Variants in GPC5 observed in about 807,000 individuals in gnomAD.
GPC5 encodes the protein glypican-5.
A neutral mutation model predicts 53.9 loss-of-function variants in GPC5; 47 were observed. The ratio of observed to expected loss-of-function variants is 0.87; its 90% CI spans 0.69 to 1.11. GPC5 has a LOEUF of 1.11. GPC5 is among the 50% of genes most tolerant of loss of function. The pLI is 0.00. For synonymous variants in GPC5, 286 were observed against 263.3 expected (o/e 1.09, Z -0.84); for missense variants, 748 against 713.1 (o/e 1.05, Z -0.56).
rs1566515542 is a variant in GPC5 at position 91,571,828 on chromosome 13, T to TACGTGTGTGTGTATACAC, written c.326-121357_326-121356insGTGTGTGTGTATACACAC. ...ACACACACATACGTGTGTGTATATA[T>TACGTGTGTGTGTATACAC]ACACATATACTTGTGTGTATATACA... On this transcript the variant is annotated intron_variant, in intron 2 of 7. Coordinates refer to ENST00000377067, the MANE Select transcript of GPC5 (RefSeq NM_004466.6). Among the ~76,000 whole-genome samples the TACGTGTGTGTGTATACAC allele has an allele frequency of 6.6e-4, 43 of 64,844 alleles. 4 individuals carry two copies. The African/African-American group carries it at 6.8e-3, about 10-fold the overall frequency. 42.5% of individuals were successfully genotyped at this position (64,844 alleles called of 152,430 possible).
intron 5 of GPC5, among the ~76,000 whole-genome samples, chr13:91,866,603 GAGA>G (rs2039087914): frequency 6.6e-6 from 1 of 152,096 alleles, no homozygotes; most frequent in African/African-American, 2.4e-5. Context: ...TGGGCCTCAG[GAGA>G]AGCTGAGCAG....
At chr13:91,964,133 C>T (rs2040155643) in intron 6 of GPC5, among the ~76,000 whole-genome samples, 1 of 152,154 alleles carries the variant, frequency 6.6e-6, no homozygotes, top group Admixed American at 6.5e-5. Context: ...TTTCTTCCTT[C>T]TGGTGGGTTC....
rs968739230 is a variant in GPC5, at chr13:92,109,047, G to A, written c.1402-35783G>A. Among the ~76,000 whole-genome samples, 4 of 137,958 alleles carry A rather than the reference G, an allele frequency of 2.9e-5. No individual in the cohort carries two copies. In the Admixed American group the frequency reaches 3.0e-4, roughly 10 times the overall value. 90.5% of individuals were successfully genotyped at this position (137,958 alleles called of 152,430 possible). A position where few individuals can be genotyped will look rare whatever the true frequency, so the allele number is the denominator to read the frequency against. ...TTTTCTTGTAGCGCCTTCTATGTAT[G>A]TATCAATATGTTGGTTTTTTTTTTT... On this transcript the variant is annotated intron_variant, in intron 6 of 7. Transcript: ENST00000377067.
chr13:92,054,846 G>A (rs1379951415), intron 6 of GPC5, among the ~76,000 whole-genome samples: 1 of 152,074 alleles, frequency 6.6e-6, no homozygotes, highest in Non-Finnish European at 1.5e-5. Context: ...AAATCCCCAG[G>A]ATTAAAGGAA....
chr13:92,735,831 G>A (rs9523792), intron 7 of GPC5, among the ~76,000 whole-genome samples: 39,434 of 151,816 alleles, frequency 0.26, 5,295 homozygotes, highest in East Asian at 0.43. Flanking sequence ...TTAAGCATCT[G>A]TCTTAGTGCT....
At chr13:92,744,347 T>A (rs968178921) in intron 7 of GPC5, among the ~76,000 whole-genome samples, 10 of 152,050 alleles carry the variant, frequency 6.6e-5, no homozygotes, top group African/African-American at 2.2e-4. Flanking sequence ...TGAAGGATGT[T>A]TATAACCATT....
At chr13:92,573,953 G>A (rs977763267) in intron 7 of GPC5, among the ~76,000 whole-genome samples, 4 of 152,220 alleles carry the variant, frequency 2.6e-5, no homozygotes, top group Non-Finnish European at 4.4e-5. Context: ...GAAGTTCTCC[G>A]TCATCCAGTG....
At chr13:92,477,611 A>G (rs1223932911) in intron 7 of GPC5, among the ~76,000 whole-genome samples, 1 of 152,176 alleles carries the variant, frequency 6.6e-6, no homozygotes, top group Non-Finnish European at 1.5e-5. Flanking sequence ...TTGTGTTTTT[A>G]TAATAAAAGT....
At chr13:91,708,669 T>A (rs2036160409) in intron 3 of GPC5, among the ~76,000 whole-genome samples, 1 of 152,152 alleles carries the variant, frequency 6.6e-6, no homozygotes, top group Non-Finnish European at 1.5e-5. Flanking sequence ...AAAGGGCGAA[T>A]TTTATGTTCT....
chr13:91,948,611 A>G (rs2039997921), intron 6 of GPC5, among the ~76,000 whole-genome samples: 1 of 152,224 alleles, frequency 6.6e-6, no homozygotes, highest in African/African-American at 2.4e-5. Context: ...ATGTTTAAAA[A>G]TACCCCATGA....
intron 7 of GPC5, among the ~76,000 whole-genome samples, chr13:92,282,542 G>A (rs531055751): frequency 3.9e-5 from 6 of 152,222 alleles, no homozygotes; most frequent in East Asian, 1.9e-4. Flanking sequence ...GACTAACAGC[G>A]GATCTTTTGG....
chr13:92,746,605 T>C (rs1205854645), intron 7 of GPC5, among the ~76,000 whole-genome samples: 1 of 152,116 alleles, frequency 6.6e-6, no homozygotes, highest in Non-Finnish European at 1.5e-5. Context: ...AACCACAAGA[T>C]ACATTTTGAA....
intron 5 of GPC5, among the ~76,000 whole-genome samples, chr13:91,801,320 T>C (rs866213077): frequency 7.3e-5 from 11 of 151,192 alleles, no homozygotes; most frequent in Admixed American, 2.7e-4. Context: ...GAATGTTTGG[T>C]CTGTTTAATT....
At chr13:92,858,939 T>C (rs1177138778) in intron 7 of GPC5, among the ~76,000 whole-genome samples, 2 of 152,212 alleles carry the variant, frequency 1.3e-5, no homozygotes, top group African/African-American at 4.8e-5. Flanking sequence ...CTTTCTTTCA[T>C]GTTTAAAATA....
chr13:91,971,818 G>C (rs2040245071), intron 6 of GPC5, among the ~76,000 whole-genome samples: 1 of 152,178 alleles, frequency 6.6e-6, no homozygotes, highest in Non-Finnish European at 1.5e-5. Context: ...TGATTGCACT[G>C]TGGTCTGAGA....
At chr13:92,470,140 G>T (rs1019717952) in intron 7 of GPC5, among the ~76,000 whole-genome samples, 37 of 151,820 alleles carry the variant, frequency 2.4e-4, no homozygotes, top group African/African-American at 8.7e-4. Context: ...TCAACCTTAG[G>T]GCATGTTTAA....
At chr13:92,011,005 T>C (rs969374677) in intron 6 of GPC5, among the ~76,000 whole-genome samples, 1 of 152,238 alleles carries the variant, frequency 6.6e-6, no homozygotes, top group Non-Finnish European at 1.5e-5. Context: ...GAGCTCTTTA[T>C]TATATTTATC....
At chr13:91,584,885 T>A (rs1160170793) in intron 2 of GPC5, among the ~76,000 whole-genome samples, 1 of 152,180 alleles carries the variant, frequency 6.6e-6, no homozygotes, top group Admixed American at 6.5e-5. Context: ...GGCCCAAAAC[T>A]AAGAACTTTT....
At chr13:92,455,000 A>G (rs1402414363) in intron 7 of GPC5, among the ~76,000 whole-genome samples, 1 of 152,206 alleles carries the variant, frequency 6.6e-6, no homozygotes, top group Non-Finnish European at 1.5e-5. Context: ...TATCTTTTTC[A>G]TGTCAGTATC....
Sources: allele counts gnomAD v4.1 joint callset (sites outside exome capture counted in the v4.1 genomes callset), GRCh38; gene constraint gnomAD v4.1.1; transcripts MANE v1.5; gene names NCBI Gene and HGNC (gene_info 2026-07-23, HGNC 2026-07-21).